Variants in JMJD1C observed in about 807,000 individuals in gnomAD.
The protein encoded by JMJD1C is jumonji domain-containing protein 1C.
In JMJD1C, 31 loss-of-function variants were observed where a neutral mutation model predicts 245.3. The ratio of observed to expected loss-of-function variants is 0.13; its 90% CI spans 0.09 to 0.17. The LOEUF is 0.17. Ranked by LOEUF, JMJD1C falls within the 10% of genes least tolerant of loss-of-function variation. JMJD1C has a pLI of 1.00. For missense variants in JMJD1C, 2,691 were observed against 3,000.2 expected (o/e 0.90, Z 2.41); for synonymous variants, 1,057 against 1,017.4 (o/e 1.04, Z -0.74).
chr10:63,254,300 C>A (rs1017028834), intron 3 of JMJD1C, among the ~76,000 whole-genome samples: 1 of 152,194 alleles, frequency 6.6e-6, no homozygotes, highest in Non-Finnish European at 1.5e-5. Context: ...ACAAATGAAT[C>A]TGAAAATAAT....
At chr10:63,488,974 T>C (rs909082590) in intron 1 of JMJD1C, among the ~76,000 whole-genome samples, 1 of 152,196 alleles carries the variant, frequency 6.6e-6, no homozygotes, top group African/African-American at 2.4e-5. Context: ...CCCATAAGAT[T>C]ATGCTGGAGC....
At chr10:63,399,437 C>G (rs1464595312) in intron 1 of JMJD1C, among the ~76,000 whole-genome samples, 1 of 152,140 alleles carries the variant, frequency 6.6e-6, no homozygotes, top group Non-Finnish European at 1.5e-5. Flanking sequence ...GTCACCTTTT[C>G]TAGGCCTTTT....
At chr10:63,320,222 T>C (rs556142059) in intron 2 of JMJD1C, among the ~76,000 whole-genome samples, 1 of 152,314 alleles carries the variant, frequency 6.6e-6, no homozygotes, top group African/African-American at 2.4e-5. Flanking sequence ...ACATTTTGTA[T>C]TATGTTTTTG....
intron 1 of JMJD1C, among the ~76,000 whole-genome samples, chr10:63,484,236 G>GGATGGATGGATGGATAGATA (rs1416097314): frequency 3.3e-4 from 31 of 92,630 alleles, no homozygotes; most frequent in African/African-American, 9.4e-4. Context: ...ATGGATGGAT[G>GGATGGATGGATGGATAGATA]GATAGATAGA....
chr10:63,273,716 A>T (rs1026236807), intron 2 of JMJD1C, among the ~76,000 whole-genome samples: 1 of 152,138 alleles, frequency 6.6e-6, no homozygotes, highest in African/African-American at 2.4e-5. Flanking sequence ...GGGGAAGAGG[A>T]AACTACTCCA....
At position 63,453,775 on chromosome 10, in the gene JMJD1C, G is replaced by T. The variant is rs1031355318; in HGVS notation, c.168+11720C>A. Among the ~76,000 whole-genome samples, 2 of 152,140 alleles carry T rather than the reference G, an allele frequency of 1.3e-5. 1 individual carries two copies. The highest frequency in any genetic ancestry group is 2.9e-5 in the Non-Finnish European group (2 of 68,030). On this transcript the variant is annotated intron_variant, in intron 1 of 25. Coordinates refer to ENST00000399262, the MANE Select transcript of JMJD1C (RefSeq NM_032776.3). ...TTGTTTTGAGATAGAGTCTCGCTCT[G>T]TTGCCCAGGTTGAAGGACAGTAGCG... is the stretch of plus-strand genomic sequence containing the variant.
At chr10:63,198,845 A>G (rs1845722023) in intron 11 of JMJD1C, 118 bp from the exon 12 acceptor site, 2 of 537,242 alleles carry the variant, frequency 3.7e-6, no homozygotes, top group South Asian at 6.6e-5. Context: ...AATTACATTA[A>G]AAACAGGAAA....
chr10:63,344,410 C>T (rs1175479720), intron 2 of JMJD1C, among the ~76,000 whole-genome samples: 1 of 152,088 alleles, frequency 6.6e-6, no homozygotes, highest in East Asian at 1.9e-4. Flanking sequence ...TGTGTAAGAA[C>T]ACTCTGTGGT....
chr10:63,241,085 G>C (rs552563448), intron 3 of JMJD1C, among the ~76,000 whole-genome samples: 1 of 152,124 alleles, frequency 6.6e-6, no homozygotes, highest in Non-Finnish European at 1.5e-5. Context: ...AATGAGACTC[G>C]ACTATAGAGC....
intron 2 of JMJD1C, among the ~76,000 whole-genome samples, chr10:63,336,911 G>A (rs1589514589): frequency 6.6e-6 from 1 of 152,048 alleles, no homozygotes; most frequent in South Asian, 2.1e-4. Flanking sequence ...CGTGATTTTG[G>A]CTCACTGCAA....
At chr10:63,413,328 T>A (rs955575856) in intron 1 of JMJD1C, among the ~76,000 whole-genome samples, 2 of 152,198 alleles carry the variant, frequency 1.3e-5, no homozygotes, top group Admixed American at 1.3e-4. Flanking sequence ...ACTCTCTTTA[T>A]GTTTTGCTAC....
chr10:63,412,532 G>C (rs965975375), intron 1 of JMJD1C, among the ~76,000 whole-genome samples: 6 of 152,182 alleles, frequency 3.9e-5, no homozygotes, highest in African/African-American at 1.4e-4. Context: ...CGCAACATTT[G>C]AGTTCAACAC....
At chr10:63,489,542 G>T in intron 1 of JMJD1C, 1 of 164,550 alleles carries the variant, frequency 6.1e-6, no homozygotes, top group South Asian at 1.8e-4. Flanking sequence ...TGTAACTAAA[G>T]GACGCATTAT....
intron 2 of JMJD1C, among the ~76,000 whole-genome samples, chr10:63,345,952 T>C (rs1943781385): frequency 6.6e-6 from 1 of 152,184 alleles, no homozygotes; most frequent in Non-Finnish European, 1.5e-5. Flanking sequence ...GACCCAACTC[T>C]TAACCGTGGT....
chr10:63,301,227 C>T (rs935522680), intron 2 of JMJD1C, among the ~76,000 whole-genome samples: 1 of 152,160 alleles, frequency 6.6e-6, no homozygotes, highest in African/African-American at 2.4e-5. Flanking sequence ...ATCGTCCAGA[C>T]TGGTCTTGAA....
intron 20 of JMJD1C, 95 bp from the exon 21 acceptor site, chr10:63,184,833 T>C (rs1843927487): frequency 8.8e-7 from 1 of 1,136,648 alleles, no homozygotes; most frequent in African/African-American, 1.6e-5. Flanking sequence ...AACAGCAGAC[T>C]ACCTTTCCAT....
chr10:63,303,632 G>T (rs1860356766), intron 2 of JMJD1C, among the ~76,000 whole-genome samples: 1 of 151,972 alleles, frequency 6.6e-6, no homozygotes, highest in Admixed American at 6.6e-5. Flanking sequence ...CAATCCCAGT[G>T]CTAAATGACA....
chr10:63,228,261 A>T (rs1849545719), intron 3 of JMJD1C, among the ~76,000 whole-genome samples: 1 of 152,214 alleles, frequency 6.6e-6, no homozygotes, highest in African/African-American at 2.4e-5. Context: ...ATGTTCCAAT[A>T]AATGTTTCTA....
rs116740102 is a variant in JMJD1C, at chr10:63,222,176, G to A, written c.448-2193C>T. 393 of 748,028 alleles carry A rather than the reference G, an allele frequency of 5.3e-4. 1 individual carries two copies. The African/African-American group carries it at 5.9e-3, about 11-fold the overall frequency. The allele number at this position is 748,028 out of a possible 1,614,324, so 46.3% of individuals were successfully genotyped here. A position where few individuals can be genotyped will look rare whatever the true frequency, so the allele number is the denominator to read the frequency against. ...AGTCATGAGTCATTTCAAGTTTATC[G>A]ATATTGTTATCAACTTGACTGACAC... On this transcript the variant is annotated intron_variant, in intron 3 of 25. Transcript: ENST00000399262.
Sources: allele counts gnomAD v4.1 joint callset (sites outside exome capture counted in the v4.1 genomes callset), GRCh38; gene constraint gnomAD v4.1.1; transcripts MANE v1.5; gene names NCBI Gene and HGNC (gene_info 2026-07-23, HGNC 2026-07-21).